Variants in CSF2RA observed in about 807,000 individuals in gnomAD.
The protein encoded by CSF2RA is granulocyte-macrophage colony-stimulating factor receptor subunit alpha.
A neutral mutation model predicts 51.6 loss-of-function variants in CSF2RA; 42 were observed. That is an observed-to-expected ratio of 0.81 (90% confidence interval 0.64 to 1.05). The LOEUF (loss-of-function observed/expected upper bound fraction) is 1.05, where lower values mean the gene tolerates loss of function less well. Ranked by LOEUF, CSF2RA falls within the 50% of genes least tolerant of loss-of-function variation. The pLI is 0.00. For synonymous variants in CSF2RA, 222 were observed against 193.0 expected (o/e 1.15, Z -1.24); for missense variants, 530 against 501.1 (o/e 1.06, Z -0.55).
At chrX:1,289,756 T>C (rs1438213564) in intron 6 of CSF2RA, among the ~76,000 whole-genome samples, 7 of 151,724 alleles carry the variant, frequency 4.6e-5, no homozygotes, top group Admixed American at 1.3e-4. Flanking sequence ...GTGTTTGTTT[T>C]TGTTTTGTGT....
At chrX:1,273,279 A>C (rs2088686605) in intron 1 of CSF2RA, among the ~76,000 whole-genome samples, 1 of 149,636 alleles carries the variant, frequency 6.7e-6, no homozygotes, top group East Asian at 2.0e-4. Flanking sequence ...GAGAAAAAAA[A>C]CAACATATGT....
intron 10 of CSF2RA, among the ~76,000 whole-genome samples, chrX:1,301,772 A>ATT (rs1158963938): frequency 7.8e-6 from 1 of 128,660 alleles, no homozygotes; most frequent in Non-Finnish European, 1.7e-5. Flanking sequence ...AATTTTTTGT[A>ATT]TTTTTTTTTT....
At chrX:1,324,804 C>T in the CSF2RA span, among the ~76,000 whole-genome samples, 1 of 151,964 alleles carries the variant, frequency 6.6e-6, no homozygotes, top group Non-Finnish European at 1.5e-5. Flanking sequence ...CAGCTTACAC[C>T]CATGAAGCCC....
rs145365005 is a variant in CSF2RA at position 1,309,521 on chromosome X, G to T, written c.*42G>T. ...GAATGGCATGGACATCTCCGCCTCCGCGACACGGGGGAACTGTTTTCTTGA... is the reference window on the plus strand; with the variant it reads ...GAATGGCATGGACATCTCCGCCTCCTCGACACGGGGGAACTGTTTTCTTGA... On this transcript the variant is annotated 3_prime_UTR_variant, in exon 13 of 13. Transcript: ENST00000381529. 1.9e-6 allele frequency: 3 copies of T among 1,613,850 alleles called. No individual in the cohort carries two copies. The highest frequency in any genetic ancestry group is 2.5e-6 in the Non-Finnish European group (3 of 1,179,868).
chrX:1,314,353 AACCCC>A (rs2084356384), downstream of CSF2RA, among the ~76,000 whole-genome samples: 2 of 142,764 alleles, frequency 1.4e-5, 1 homozygote, highest in African/African-American at 5.1e-5. Context: ...GCGCCTGCCC[AACCCC>A]ACTGCATCTG....
At chrX:1,288,137 G>C (rs1355210282) in intron 4 of CSF2RA, among the ~76,000 whole-genome samples, 1 of 151,918 alleles carries the variant, frequency 6.6e-6, no homozygotes, top group Admixed American at 6.6e-5. Context: ...GGAAGCTTAG[G>C]GGGATGATTT....
intron 9 of CSF2RA, among the ~76,000 whole-genome samples, chrX:1,296,194 C>T (rs190148654): frequency 1.4e-3 from 213 of 151,246 alleles, no homozygotes; most frequent in African/African-American, 4.9e-3. Flanking sequence ...TGTAACTAAC[C>T]ATACAGTTCC....
chrX:1,286,487 G>C (rs62603282), intron 4 of CSF2RA, among the ~76,000 whole-genome samples: 74,933 of 150,500 alleles, frequency 0.5, 18,838 homozygotes, highest in Middle Eastern at 0.64. Flanking sequence ...GAGAATTACT[G>C]AAACTCGGGA....
chrX:1,276,406 C>T (rs1247811224), intron 2 of CSF2RA, among the ~76,000 whole-genome samples: 1 of 151,758 alleles, frequency 6.6e-6, no homozygotes, highest in African/African-American at 2.4e-5. Context: ...CGGAGTCTTG[C>T]TCTGTTGCCT....
the CSF2RA span, among the ~76,000 whole-genome samples, chrX:1,317,355 G>A: frequency 1.7e-5 from 2 of 120,898 alleles, no homozygotes; most frequent in African/African-American, 3.2e-5. Flanking sequence ...GGGTTCCAGC[G>A]ATTCTCCCGC....
chrX:1,284,191 C>A (rs1459881967), intron 3 of CSF2RA, among the ~76,000 whole-genome samples: 5 of 114,492 alleles, frequency 4.4e-5, no homozygotes, highest in Non-Finnish European at 8.8e-5. Flanking sequence ...CTTTCTCTGT[C>A]TCTCTTTTTT....
intron 9 of CSF2RA, among the ~76,000 whole-genome samples, chrX:1,298,706 G>A (rs1200970534): frequency 5.8e-5 from 2 of 34,276 alleles, no homozygotes; most frequent in Non-Finnish European, 1.7e-4. Flanking sequence ...GACCTCTGGT[G>A]GAACCCTACA....
chrX:1,318,295 C>T, the CSF2RA span, among the ~76,000 whole-genome samples: 2 of 151,898 alleles, frequency 1.3e-5, no homozygotes, highest in East Asian at 1.9e-4. Flanking sequence ...TCCCAAGTAG[C>T]TGGGATTACA....
chrX:1,290,057 G>C (rs1259475537), intron 6 of CSF2RA, among the ~76,000 whole-genome samples: 2 of 99,508 alleles, frequency 2.0e-5, no homozygotes, highest in African/African-American at 7.8e-5. Flanking sequence ...TTTTTGTTTT[G>C]TTTTGTGTTT....
chrX:1,306,424 A>G (rs1293564913), intron 12 of CSF2RA, among the ~76,000 whole-genome samples: 1 of 151,990 alleles, frequency 6.6e-6, no homozygotes, highest in Non-Finnish European at 1.5e-5. Context: ...AGGCGGGTGG[A>G]TCACTTGAGG....
intron 2 of CSF2RA, among the ~76,000 whole-genome samples, chrX:1,280,424 T>A (rs1303563077): frequency 6.7e-6 from 1 of 148,454 alleles, no homozygotes; most frequent in East Asian, 2.0e-4. Context: ...TGAGCCAAGA[T>A]TGCACCACTG....
chrX:1,293,903 A>G (rs1350423793), intron 7 of CSF2RA: 2 of 329,562 alleles, frequency 6.1e-6, no homozygotes, highest in South Asian at 2.8e-5. Context: ...CAGTGTAGAC[A>G]GGAGAAGACT....
intron 2 of CSF2RA, among the ~76,000 whole-genome samples, chrX:1,278,214 G>A (rs1365186238): frequency 4.1e-5 from 6 of 147,396 alleles, no homozygotes; most frequent in African/African-American, 1.5e-4. Flanking sequence ...CGTGCCTGTA[G>A]TCCCAGCTAC....
chrX:1,288,724 G>A (rs1178918531), intron 5 of CSF2RA, 35 bp from the exon 6 acceptor site: 26 of 1,613,736 alleles, frequency 1.6e-5, no homozygotes, highest in African/African-American at 2.7e-5. Context: ...GTTGAACTTC[G>A]GAGTGAAAAT....
Sources: gnomAD v4.1 joint callset for allele counts (sites outside exome capture counted in the v4.1 genomes callset) on GRCh38, gnomAD v4.1.1 for gene constraint, MANE v1.5 for transcripts, NCBI Gene and HGNC (gene_info 2026-07-23, HGNC 2026-07-21) for gene names.